Variants in MTTP observed in about 807,000 individuals in gnomAD.
The protein encoded by MTTP is microsomal triglyceride transfer protein, also known as microsomal triglyceride transfer protein large subunit.
A neutral mutation model predicts 90.6 loss-of-function variants in MTTP; 49 were observed. The observed-to-expected ratio is 0.54, with a 90% CI of 0.43 to 0.69. The LOEUF (loss-of-function observed/expected upper bound fraction) is 0.69. Ranked by LOEUF, MTTP falls within the 30% of genes least tolerant of loss-of-function variation. MTTP has a pLI of 0.00. For missense variants in MTTP, 945 were observed against 1,067.5 expected (o/e 0.89, Z 1.60); for synonymous variants, 347 against 384.2 (o/e 0.90, Z 1.13).
At chr4:99,565,073 C>A (rs965216182) in intron 1 of MTTP, among the ~76,000 whole-genome samples, 5 of 152,114 alleles carry the variant, frequency 3.3e-5, no homozygotes, top group African/African-American at 1.2e-4. Flanking sequence ...AGTAGGGCAT[C>A]TTTTTTCAGC....
At chr4:99,589,832 T>C in intron 4 of MTTP, 82 bp downstream of exon 4, 4 of 969,808 alleles carry the variant, frequency 4.1e-6, no homozygotes, top group East Asian at 2.6e-5. Context: ...GTAGAAGAGT[T>C]ACTACTAAGG....
rs1726297221 is a variant in MTTP, at chr4:99,623,517, G to C, written c.*669G>C. ...AGTGAGGTTGTTCCAAAGACATTCAGGTCTCTACCTCCAGCCCTGCAAAAA... is the reference window on the plus strand; with the variant it reads ...AGTGAGGTTGTTCCAAAGACATTCACGTCTCTACCTCCAGCCCTGCAAAAA... On this transcript the variant is annotated 3_prime_UTR_variant, in exon 18 of 18. Coordinates refer to ENST00000265517, the MANE Select transcript of MTTP (RefSeq NM_001386140.1). The C allele has an allele frequency of 6.5e-6, 1 of 153,272 alleles. No individual in the cohort carries two copies. The highest frequency in any genetic ancestry group is 2.4e-5 in the African/African-American group (1 of 41,428). 9.5% of individuals were successfully genotyped at this position (153,272 alleles called of 1,614,324 possible).
At chr4:99,587,011 A>T (rs560392835) in intron 3 of MTTP, among the ~76,000 whole-genome samples, 1 of 152,176 alleles carries the variant, frequency 6.6e-6, no homozygotes, top group Non-Finnish European at 1.5e-5. Flanking sequence ...GGATGTTCAG[A>T]ACTAATTTCA....
chr4:99,590,685 C>G (rs1725392800), intron 4 of MTTP, among the ~76,000 whole-genome samples: 1 of 152,136 alleles, frequency 6.6e-6, no homozygotes, highest in Non-Finnish European at 1.5e-5. Flanking sequence ...CAGGAAAAAG[C>G]TCAGAGAAGC....
rs1491473574 is a variant in MTTP at position 99,577,605 on chromosome 4, C to CAGA, written c.61+2636_61+2637insGAA. 7.0e-4 allele frequency among the ~76,000 whole-genome samples: 71 copies of CAGA among 101,294 alleles called. No homozygotes were observed. In the East Asian group the frequency reaches 0.016, roughly 23 times the overall value. 66.5% of individuals were successfully genotyped at this position (101,294 alleles called of 152,430 possible). On this transcript the variant is annotated intron_variant, in intron 1 of 17. Transcript: ENST00000265517. ...GGGCAATAAGAGCGAAACTCTGTTT[C>CAGA]AAAAAAAAAAAAAAAAAGAAAGAAA...
At chr4:99,581,142 A>G (rs1725101457) in intron 1 of MTTP, among the ~76,000 whole-genome samples, 1 of 152,178 alleles carries the variant, frequency 6.6e-6, no homozygotes. Context: ...ATCTCTGGGA[A>G]AGACTTGCTC....
At chr4:99,619,491 T>C (rs1726179502) in intron 16 of MTTP, among the ~76,000 whole-genome samples, 1 of 152,192 alleles carries the variant, frequency 6.6e-6, no homozygotes. Context: ...AACTATTAAA[T>C]GTTAAGAGTC....
chr4:99,582,830 A>G (rs1725152706), intron 2 of MTTP, among the ~76,000 whole-genome samples: 1 of 152,102 alleles, frequency 6.6e-6, no homozygotes, highest in African/African-American at 2.4e-5. Flanking sequence ...TTTACAAGTG[A>G]TATTTGCTTC....
rs761471533 is a variant in MTTP at position 99,612,943 on chromosome 4, T to C, written c.2020T>C (p.Leu674=). Residue 674 remains leucine, a synonymous_variant, in exon 15 of 18, where the codon TTA becomes CTA. Transcript: ENST00000265517. ...VVIEAQGLEA[L]IAATPDEGEE... ...TATTGAAGCCCAAGGACTGGAAGCCTTAATCGCAGCCACCCCTGACGAGGG... is the reference window on the plus strand; with the variant it reads ...TATTGAAGCCCAAGGACTGGAAGCCCTAATCGCAGCCACCCCTGACGAGGG... 8.1e-6 allele frequency: 13 copies of C among 1,614,004 alleles called. No individual in the cohort carries two copies. The highest frequency in any genetic ancestry group is 1.7e-5 in the Admixed American group (1 of 60,016).
chr4:99,571,798 T>C (rs1724847957), upstream of MTTP, among the ~76,000 whole-genome samples: 1 of 151,974 alleles, frequency 6.6e-6, no homozygotes, highest in South Asian at 2.1e-4. Flanking sequence ...TTTTCAAGAT[T>C]CTTTCAAAAT....
intron 1 of MTTP, among the ~76,000 whole-genome samples, chr4:99,565,842 A>G (rs1357529245): frequency 6.6e-6 from 1 of 152,212 alleles, no homozygotes; most frequent in African/African-American, 2.4e-5. Context: ...GTGAAAGCAA[A>G]GACCTAAGCG....
chr4:99,583,617 A>G, intron 3 of MTTP, 100 bp downstream of exon 3: 1 of 1,378,718 alleles, frequency 7.3e-7, no homozygotes, highest in African/African-American at 1.4e-5. Flanking sequence ...AACTACTTTT[A>G]TGGTAAATGG....
chr4:99,601,811 T>C (rs1725705438), intron 10 of MTTP, 97 bp downstream of exon 10: 2 of 887,048 alleles, frequency 2.3e-6, no homozygotes, highest in African/African-American at 1.6e-5. Context: ...TAATTCTCTT[T>C]ACTCTATTCT....
rs1725364864 is a variant in MTTP at position 99,589,646 on chromosome 4, A to G, written c.397A>G (p.Lys133Glu). ...TLLHLIHGKV[K>E]EFYSYQNEAV... Reference sequence around the variant, plus strand: ...TCTGTTCCCCTCTCCCCACCAGGTCAAAGAGTTCTACTCATATCAAAATGA... The same window carrying G: ...TCTGTTCCCCTCTCCCCACCAGGTCGAAGAGTTCTACTCATATCAAAATGA... Residue 133 changes from lysine to glutamate, a missense_variant, in exon 4 of 18, where the codon AAA (lysine) becomes GAA (glutamate). Physicochemically the swap from Lys to Glu is moderately conservative, Grantham distance 56. Coordinates refer to ENST00000265517, the MANE Select transcript of MTTP (RefSeq NM_001386140.1). 6.3e-7 allele frequency: 1 copy of G among 1,584,082 alleles called. No homozygotes were observed. The highest frequency in any genetic ancestry group is 1.1e-5 in the South Asian group (1 of 90,482).
At chr4:99,583,983 G>C in intron 3 of MTTP, 1 of 166,304 alleles carries the variant, frequency 6.0e-6, no homozygotes, top group Non-Finnish European at 1.3e-5. Flanking sequence ...ATTTTAAAAG[G>C]GTATGACAAG....
intron 15 of MTTP, among the ~76,000 whole-genome samples, chr4:99,617,037 A>T (rs1017498305): frequency 2.0e-5 from 3 of 152,220 alleles, no homozygotes; most frequent in Admixed American, 2.0e-4. Flanking sequence ...TTCTGAGGTG[A>T]GGCACACCAT....
intron 3 of MTTP, among the ~76,000 whole-genome samples, chr4:99,588,391 A>T (rs1301864926): frequency 2.6e-5 from 4 of 152,128 alleles, no homozygotes; most frequent in Non-Finnish European, 4.4e-5. Flanking sequence ...ATGCATATCA[A>T]GTCTACAGGG....
chr4:99,578,342 A>G (rs1376472048), intron 1 of MTTP, among the ~76,000 whole-genome samples: 1 of 152,224 alleles, frequency 6.6e-6, no homozygotes, highest in Non-Finnish European at 1.5e-5. Context: ...TACTCTGAAG[A>G]GCACTATCCT....
chr4:99,601,503 C>T (rs1290372404), intron 9 of MTTP, 104 bp from the exon 10 acceptor site: 1 of 918,640 alleles, frequency 1.1e-6, no homozygotes, highest in Admixed American at 1.9e-5. Flanking sequence ...AATCTAGAAA[C>T]ATAAAAATAC....
Sources: allele counts gnomAD v4.1 joint callset (sites outside exome capture counted in the v4.1 genomes callset), GRCh38; gene constraint gnomAD v4.1.1; transcripts MANE v1.5; gene names NCBI Gene and HGNC (gene_info 2026-07-23, HGNC 2026-07-21).